Variants in FAM180A observed in about 807,000 individuals in gnomAD.
The protein encoded by FAM180A is protein FAM180A.
In FAM180A, 14 loss-of-function variants were observed where a neutral mutation model predicts 15.3. That is an observed-to-expected ratio of 0.92 (90% CI 0.61 to 1.43). The LOEUF (loss-of-function observed/expected upper bound fraction) is 1.43, where lower values mean the gene tolerates loss of function less well. FAM180A is among the 40% of genes most tolerant of loss of function. FAM180A has a pLI of 0.00. For synonymous variants in FAM180A, 90 were observed against 96.8 expected (o/e 0.93, Z 0.41); for missense variants, 200 against 220.8 (o/e 0.91, Z 0.60).
In FAM180A at chr7:135,748,731, A is replaced by G. The variant is rs1797066206; in HGVS notation, c.-151T>C. 4.4e-6 allele frequency: 3 copies of G among 675,874 alleles called. No individual in the cohort carries two copies. The highest frequency in any genetic ancestry group is 7.9e-6 in the Non-Finnish European group (3 of 379,290). 41.9% of individuals were successfully genotyped at this position (675,874 alleles called of 1,614,324 possible). A position where few individuals can be genotyped will look rare whatever the true frequency, so the allele number is the denominator to read the frequency against. ...GCAGAAATGCCTACTCTGCCTCAGA[A>G]GGCTGGAGGCTGAAGGCTGCGTCCT... is the stretch of plus-strand genomic sequence containing the variant. On this transcript the variant is annotated 5_prime_UTR_variant, in exon 1 of 4. Coordinates refer to ENST00000338588, the MANE Select transcript of FAM180A (RefSeq NM_205855.4).
intron 2 of FAM180A, among the ~76,000 whole-genome samples, chr7:135,735,123 G>A (rs994383014): frequency 6.6e-6 from 1 of 151,984 alleles, no homozygotes. Flanking sequence ...GGCTGGTCTC[G>A]AACTCCTGAC....
intron 1 of FAM180A, among the ~76,000 whole-genome samples, chr7:135,744,983 C>T (rs768823327): frequency 6.6e-6 from 1 of 152,152 alleles, no homozygotes; most frequent in Admixed American, 6.5e-5. Flanking sequence ...CATCGTTGAC[C>T]TCCTGGGCCT....
At chr7:135,738,442 C>T (rs940917594) in intron 1 of FAM180A, among the ~76,000 whole-genome samples, 1 of 152,228 alleles carries the variant, frequency 6.6e-6, no homozygotes, top group African/African-American at 2.4e-5. Context: ...GATCTGCCTG[C>T]CTCAGCCTCC....
Position 135,729,603 on chromosome 7 carries a change from A to AACTCAATC in FAM180A, c.*1000_*1007dup. On this transcript the variant is annotated 3_prime_UTR_variant, in exon 4 of 4. Coordinates refer to ENST00000338588, the MANE Select transcript of FAM180A (RefSeq NM_205855.4). ...TGAGATAACAAAGATTCCAGTGAGCAACTCAATCATGACATCTTTATTATA... is the reference window on the plus strand; with the variant it reads ...TGAGATAACAAAGATTCCAGTGAGCAACTCAATCACTCAATCATGACATCTTTATTATA... 1.0e-6 allele frequency: 1 copy of AACTCAATC among 984,888 alleles called. No homozygotes were observed. The allele number at this position is 984,888 out of a possible 1,614,324, so 61.0% of individuals were successfully genotyped here. A position where few individuals can be genotyped will look rare whatever the true frequency, so the allele number is the denominator to read the frequency against.
intron 1 of FAM180A, among the ~76,000 whole-genome samples, chr7:135,737,601 A>G (rs1796890702): frequency 7.1e-6 from 1 of 141,502 alleles, no homozygotes; most frequent in Admixed American, 6.8e-5. Context: ...AAAAAAAAAA[A>G]AAAAAAAGAA....
rs551736984 is a variant in FAM180A at position 135,746,056 on chromosome 7, G to T, written c.76+2449C>A. Reference sequence around the variant, plus strand: ...ACTACGCGGAAGACATTTGATGATGGTTGGAGGGACTCTGTATCATTTGTT... The same window carrying T: ...ACTACGCGGAAGACATTTGATGATGTTTGGAGGGACTCTGTATCATTTGTT... On this transcript the variant is annotated intron_variant, in intron 1 of 3. Coordinates refer to ENST00000338588, the MANE Select transcript of FAM180A (RefSeq NM_205855.4). Among the ~76,000 whole-genome samples, 11 of 152,238 alleles carry T rather than the reference G, an allele frequency of 7.2e-5. No individual in the cohort carries two copies. The South Asian group carries it at 2.1e-3, about 29-fold the overall frequency.
chr7:135,739,777 T>A (rs1288225556), intron 1 of FAM180A, among the ~76,000 whole-genome samples: 1 of 152,052 alleles, frequency 6.6e-6, no homozygotes, highest in Non-Finnish European at 1.5e-5. Flanking sequence ...CCTGATGGGC[T>A]TATTATAGTA....
At chr7:135,746,642 A>G (rs546314622) in intron 1 of FAM180A, among the ~76,000 whole-genome samples, 1 of 152,212 alleles carries the variant, frequency 6.6e-6, no homozygotes, top group Admixed American at 6.5e-5. Flanking sequence ...CTGTTTAATA[A>G]GCAAATCCCC....
At chr7:135,735,113 G>A (rs781224818) in intron 2 of FAM180A, among the ~76,000 whole-genome samples, 2 of 152,006 alleles carry the variant, frequency 1.3e-5, no homozygotes, top group African/African-American at 4.8e-5. Flanking sequence ...ATGTTGGTCC[G>A]GCTGGTCTCG....
At chr7:135,740,378 G>A (rs572418724) in intron 1 of FAM180A, among the ~76,000 whole-genome samples, 7 of 152,334 alleles carry the variant, frequency 4.6e-5, no homozygotes, top group African/African-American at 1.7e-4. Context: ...CTGAAATTGT[G>A]TGGAAGACGC....
At chr7:135,743,266 C>T (rs550566577) in intron 1 of FAM180A, among the ~76,000 whole-genome samples, 3 of 146,352 alleles carry the variant, frequency 2.0e-5, no homozygotes, top group East Asian at 2.0e-4. Flanking sequence ...CTGTCGCCCA[C>T]GCTGGAGGGC....
intron 1 of FAM180A, among the ~76,000 whole-genome samples, chr7:135,737,974 C>T (rs999504985): frequency 6.6e-6 from 1 of 152,212 alleles, no homozygotes; most frequent in South Asian, 2.1e-4. Context: ...CGCATCTTAG[C>T]GCGTTATCAG....
intron 1 of FAM180A, among the ~76,000 whole-genome samples, chr7:135,740,532 A>G (rs989043653): frequency 6.6e-6 from 1 of 152,120 alleles, no homozygotes; most frequent in Non-Finnish European, 1.5e-5. Flanking sequence ...TGGGAGTGAA[A>G]TGTAGGCACT....
intron 2 of FAM180A, among the ~76,000 whole-genome samples, chr7:135,736,776 G>C (rs1031964373): frequency 6.6e-6 from 1 of 152,186 alleles, no homozygotes; most frequent in African/African-American, 2.4e-5. Context: ...CCTGCCTCAA[G>C]GCCTTTGCTT....
At chr7:135,746,460 G>A (rs1797033461) in intron 1 of FAM180A, among the ~76,000 whole-genome samples, 1 of 152,158 alleles carries the variant, frequency 6.6e-6, no homozygotes, top group Admixed American at 6.5e-5. Context: ...AGCTCAGAGA[G>A]GTTAAGAGAC....
At chr7:135,739,912 G>A (rs150647711) in intron 1 of FAM180A, among the ~76,000 whole-genome samples, 10 of 152,272 alleles carry the variant, frequency 6.6e-5, no homozygotes, top group East Asian at 5.8e-4. Flanking sequence ...CGGGGTGTGC[G>A]CTGGGCATAG....
chr7:135,748,445 A>G (rs1281781810), intron 1 of FAM180A, 60 bp downstream of exon 1: 2 of 1,392,046 alleles, frequency 1.4e-6, no homozygotes, highest in Non-Finnish European at 2.0e-6. Flanking sequence ...CCAAATTTTG[A>G]ATTGCATTGA....
chr7:135,744,516 CT>C (rs1410169520), intron 1 of FAM180A, among the ~76,000 whole-genome samples: 1 of 152,224 alleles, frequency 6.6e-6, no homozygotes, highest in Non-Finnish European at 1.5e-5. Flanking sequence ...GAGTGCTATT[CT>C]GAGCGAGCCA....
chr7:135,734,226 T>C lies in FAM180A; in HGVS notation c.271A>G (p.Thr91Ala), dbSNP rs752948338. ...TTGGGGATGACGTTGTTGCAGACGG[T>C]GCGGAAGTCTGAGGCCTTCCGCAAG... ...ASLRKASDFR[T>A]VCNNVIPKSI... The change falls in exon 3 of 4, where the codon ACC becomes GCC. Residue 91 changes from threonine to alanine, a missense_variant. Transcript: ENST00000338588. 8 of 1,614,092 alleles carry C rather than the reference T, an allele frequency of 5.0e-6. No individual in the cohort carries two copies. The highest frequency in any genetic ancestry group is 1.7e-5 in the Admixed American group (1 of 60,008).
Sources: allele counts gnomAD v4.1 joint callset (sites outside exome capture counted in the v4.1 genomes callset), GRCh38; gene constraint gnomAD v4.1.1; transcripts MANE v1.5; gene names NCBI Gene and HGNC (gene_info 2026-07-23, HGNC 2026-07-21).